CDH18: variants seen among roughly 807,000 people sequenced by gnomAD.
CDH18 encodes the protein cadherin 18, also known as cadherin-18.
A neutral mutation model predicts 67.9 loss-of-function variants in CDH18; 31 were observed. The ratio of observed to expected loss-of-function variants is 0.46; its 90% CI spans 0.34 to 0.62. CDH18 has a LOEUF of 0.62. Among genes scored for constraint, CDH18 ranks in the 20% least tolerant of loss-of-function variants. The pLI is 0.01. For missense variants in CDH18, 890 were observed against 975.5 expected, an observed-to-expected ratio of 0.91 and a Z score of 1.17; for synonymous variants, 362 against 347.2, an observed-to-expected ratio of 1.04 and a Z score of -0.48.
At chr5:19,982,122 T>A (rs963268599) in intron 1 of CDH18, among the ~76,000 whole-genome samples, 2 of 152,204 alleles carry the variant, frequency 1.3e-5, no homozygotes, top group African/African-American at 4.8e-5. Flanking sequence ...ATTTTAGTTA[T>A]CAAAATAGGA....
chr5:20,527,793 C>T (rs1325865515), intron 1 of CDH18, among the ~76,000 whole-genome samples: 1 of 152,038 alleles, frequency 6.6e-6, no homozygotes, highest in East Asian at 1.9e-4. Flanking sequence ...CCATTGCCAG[C>T]CATTACAAAA....
chr5:20,258,786 G>T (rs991547476), intron 1 of CDH18, among the ~76,000 whole-genome samples: 3 of 152,070 alleles, frequency 2.0e-5, no homozygotes, highest in Admixed American at 2.0e-4. Flanking sequence ...CTACAGGAAT[G>T]GTGAAGAGGT....
At chr5:19,760,373 T>G (rs1166730674) in intron 3 of CDH18, among the ~76,000 whole-genome samples, 1 of 152,114 alleles carries the variant, frequency 6.6e-6, no homozygotes, top group Non-Finnish European at 1.5e-5. Context: ...ACTAATCCAC[T>G]CCACGATCCC....
At chr5:19,485,801 A>C (rs1240099226) in intron 11 of CDH18, among the ~76,000 whole-genome samples, 1 of 152,182 alleles carries the variant, frequency 6.6e-6, no homozygotes, top group African/African-American at 2.4e-5. Flanking sequence ...CCTCTGAAAA[A>C]GAGATGTGAG....
At chr5:20,468,746 G>A (rs10065425) in intron 1 of CDH18, among the ~76,000 whole-genome samples, 4,667 of 152,200 alleles carry the variant, frequency 0.031, 245 homozygotes, top group African/African-American at 0.11. Flanking sequence ...ATATAATTCA[G>A]AAACTTAAAT....
At chr5:20,157,231 A>G (rs1751599785) in intron 2 of CDH18, among the ~76,000 whole-genome samples, 1 of 152,186 alleles carries the variant, frequency 6.6e-6, no homozygotes, top group Admixed American at 6.5e-5. Context: ...TGACCACAGG[A>G]AACTGAAACT....
intron 1 of CDH18, among the ~76,000 whole-genome samples, chr5:20,438,358 G>A (rs984911268): frequency 6.6e-6 from 1 of 150,808 alleles, no homozygotes; most frequent in Non-Finnish European, 1.5e-5. Flanking sequence ...AATTCATCAG[G>A]TATCTATATA....
intron 2 of CDH18, among the ~76,000 whole-genome samples, chr5:20,039,775 A>G (rs2150469670): frequency 6.6e-6 from 1 of 152,314 alleles, no homozygotes; most frequent in East Asian, 1.9e-4. Context: ...ACCATTCAGG[A>G]CATAGGCATG....
intron 2 of CDH18, among the ~76,000 whole-genome samples, chr5:20,106,516 G>A (rs78917456): frequency 0.021 from 3,213 of 152,136 alleles, 125 homozygotes; most frequent in African/African-American, 0.072. Flanking sequence ...TCTGTTTGAA[G>A]GATTCCACAC....
intron 8 of CDH18, among the ~76,000 whole-genome samples, chr5:19,559,816 G>A (rs1255001165): frequency 6.6e-6 from 1 of 151,384 alleles, no homozygotes; most frequent in African/African-American, 2.4e-5. Context: ...AAAAGTTTCA[G>A]GATACAAAAA....
intron 1 of CDH18, among the ~76,000 whole-genome samples, chr5:20,264,665 A>C (rs1744899387): frequency 6.6e-6 from 1 of 152,118 alleles, no homozygotes. Flanking sequence ...AGGTATCTAA[A>C]GTTTTCTATA....
intron 2 of CDH18, among the ~76,000 whole-genome samples, chr5:20,078,988 G>A (rs1744212671): frequency 6.6e-6 from 1 of 152,250 alleles, no homozygotes; most frequent in Non-Finnish European, 1.5e-5. Flanking sequence ...GTGATGTTTT[G>A]AAATATGTAT....
intron 1 of CDH18, among the ~76,000 whole-genome samples, chr5:20,378,039 G>A (rs1267304251): frequency 3.9e-5 from 6 of 152,134 alleles, no homozygotes; most frequent in Non-Finnish European, 7.4e-5. Flanking sequence ...AGTGTCATCT[G>A]ATCATTTACA....
At chr5:20,430,253 A>T (rs1488682414) in intron 1 of CDH18, among the ~76,000 whole-genome samples, 1 of 152,096 alleles carries the variant, frequency 6.6e-6, no homozygotes, top group African/African-American at 2.4e-5. Context: ...CTTATAAAAA[A>T]CTCAGTTTTT....
At chr5:20,009,436 T>C (rs760124312) in intron 2 of CDH18, among the ~76,000 whole-genome samples, 1 of 152,146 alleles carries the variant, frequency 6.6e-6, no homozygotes, top group Non-Finnish European at 1.5e-5. Context: ...TCTCTTTATG[T>C]CTGGATTTAT....
At chr5:20,180,637 A>C (rs967909959) in intron 2 of CDH18, among the ~76,000 whole-genome samples, 2 of 152,154 alleles carry the variant, frequency 1.3e-5, no homozygotes, top group African/African-American at 4.8e-5. Context: ...TAATCAAATG[A>C]ACCTAAATCC....
At chr5:20,313,766 A>T (rs1462878107) in intron 1 of CDH18, among the ~76,000 whole-genome samples, 2 of 152,002 alleles carry the variant, frequency 1.3e-5, no homozygotes, top group South Asian at 4.1e-4. Flanking sequence ...TCTGAAAAAA[A>T]CTAGATATAT....
intron 2 of CDH18, among the ~76,000 whole-genome samples, chr5:19,960,623 ACACGTG>A (rs1796736512): frequency 1.5e-5 from 2 of 134,108 alleles, no homozygotes; most frequent in African/African-American, 3.3e-5. Context: ...GTATATATAT[ACACGTG>A]TATATGTATA....
At chr5:19,668,385 A>G (rs1468342564) in intron 5 of CDH18, among the ~76,000 whole-genome samples, 1 of 152,048 alleles carries the variant, frequency 6.6e-6, no homozygotes, top group Non-Finnish European at 1.5e-5. Context: ...ATTAGCATTA[A>G]AAAACAAATA....
Sources: gnomAD v4.1 joint callset for allele counts (sites outside exome capture counted in the v4.1 genomes callset) on GRCh38, gnomAD v4.1.1 for gene constraint, MANE v1.5 for transcripts, NCBI Gene and HGNC (gene_info 2026-07-23, HGNC 2026-07-21) for gene names.